The following CPEB1 variants were observed in gnomAD, a reference collection of about 807,000 sequenced individuals.
The protein encoded by CPEB1 is cytoplasmic polyadenylation element binding protein 1.
Under a neutral mutation model 65.8 loss-of-function variants are expected in CPEB1, and 7 were observed. The ratio of observed to expected loss-of-function variants is 0.11; its 90% CI spans 0.06 to 0.20. The LOEUF is 0.20. CPEB1 is among the 10% of genes least tolerant of loss of function. The pLI is 1.00. For missense variants in CPEB1, 551 were observed against 712.2 expected, an observed-to-expected ratio of 0.77 and a Z score of 2.58; for synonymous variants, 262 against 260.0, an observed-to-expected ratio of 1.01 and a Z score of -0.08.
chr15:82,630,626 A>G (rs1229419907), intron 1 of CPEB1, among the ~76,000 whole-genome samples: 1 of 152,014 alleles, frequency 6.6e-6, no homozygotes, highest in Non-Finnish European at 1.5e-5. Context: ...AGAAAGAAAA[A>G]GAACTAAGAC....
At chr15:82,631,261 C>T (rs2046220133) in intron 1 of CPEB1, among the ~76,000 whole-genome samples, 1 of 152,158 alleles carries the variant, frequency 6.6e-6, no homozygotes, top group Non-Finnish European at 1.5e-5. Flanking sequence ...CAAATCAAGG[C>T]AAATGATATC....
chr15:82,603,393 T>C (rs2043286316), intron 3 of CPEB1, among the ~76,000 whole-genome samples: 1 of 151,568 alleles, frequency 6.6e-6, no homozygotes, highest in Admixed American at 6.6e-5. Flanking sequence ...AATTATTAAA[T>C]ATCCCAGGTG....
chr15:82,547,971 G>A (rs1040956630), intron 10 of CPEB1, among the ~76,000 whole-genome samples: 1 of 152,182 alleles, frequency 6.6e-6, no homozygotes, highest in Non-Finnish European at 1.5e-5. Flanking sequence ...ATCATGGTCA[G>A]CCCTTATGTA....
chr15:82,566,439 G>T (rs555588328), intron 4 of CPEB1, among the ~76,000 whole-genome samples: 8 of 152,112 alleles, frequency 5.3e-5, no homozygotes, highest in Admixed American at 3.3e-4. Context: ...GAATAGGAAG[G>T]GGGGAGAGTA....
intron 1 of CPEB1, among the ~76,000 whole-genome samples, chr15:82,639,023 G>A (rs974259360): frequency 6.6e-6 from 1 of 152,138 alleles, no homozygotes; most frequent in African/African-American, 2.4e-5. Context: ...AATCAACCAC[G>A]TCTTAGAATT....
chr15:82,630,724 T>C (rs1285095379), intron 1 of CPEB1, among the ~76,000 whole-genome samples: 2 of 152,080 alleles, frequency 1.3e-5, no homozygotes, highest in African/African-American at 4.8e-5. Flanking sequence ...AGGGACAGAA[T>C]GTGCCTGGAA....
At chr15:82,566,891 C>T (rs1335122565) in intron 4 of CPEB1, among the ~76,000 whole-genome samples, 4 of 151,812 alleles carry the variant, frequency 2.6e-5, no homozygotes, top group Non-Finnish European at 5.9e-5. Context: ...GCTACAGGGC[C>T]CAAGATACTG....
chr15:82,578,977 C>A (rs1442940409), intron 3 of CPEB1, among the ~76,000 whole-genome samples: 1 of 152,086 alleles, frequency 6.6e-6, no homozygotes, highest in African/African-American at 2.4e-5. Context: ...ACATGCACCA[C>A]CACGCCCAGC....
chr15:82,554,080 C>T (rs555728770), intron 6 of CPEB1, 89 bp from the exon 7 acceptor site: 2 of 710,816 alleles, frequency 2.8e-6, no homozygotes, highest in Non-Finnish European at 4.7e-6. Context: ...CCAGTAAGAA[C>T]CTGACTGGCC....
Position 82,556,072 on chromosome 15 carries a change from AC to A in CPEB1, c.737del (p.Gly246ValfsTer7). ...CCATCTTTAAAGGGTCTCTGGGACC[AC>A]CCCCTGACAGAGACAGGAAGGGCAG... ...PPLPFLSLSG[G>X]GPRDPLKMGV... On this transcript the variant is annotated frameshift_variant, in exon 6 of 13. Coordinates refer to ENST00000684509, the MANE Select transcript of CPEB1 (RefSeq NM_001365242.1). LOFTEE classifies it high-confidence loss of function. The A allele has an allele frequency of 1.2e-6, 2 of 1,610,328 alleles. No homozygotes were observed. Among genetic ancestry groups the A allele is most frequent in the African/African-American group, 1.3e-5 (1 of 74,860 alleles).
Position 82,544,668 on chromosome 15 carries a change from T to G in CPEB1, c.1691A>C (p.His564Pro). 6.2e-7 allele frequency: 1 copy of G among 1,613,446 alleles called. No homozygotes were observed. The highest frequency in any genetic ancestry group is 8.5e-7 in the Non-Finnish European group (1 of 1,179,826). Reference protein sequence around the residue: ...CFKYFCRSCWHWRHSMEGLRH... With the variant: ...CFKYFCRSCWPWRHSMEGLRH... ...CAGGCCCTCCATGCTGTGCCGCCAGTGCCAGCAGCTCCGGCAGAAGTATTT... is the reference window on the plus strand; with the variant it reads ...CAGGCCCTCCATGCTGTGCCGCCAGGGCCAGCAGCTCCGGCAGAAGTATTT... The change falls in exon 13 of 13, where the codon CAC becomes CCC. Residue 564 changes from histidine (H) to proline (P), a missense_variant. Around this residue, in one of 6 missense-constraint regions of CPEB1, gnomAD observed 98 missense variants for 157.6 expected, o/e 0.62. Coordinates refer to ENST00000684509, the MANE Select transcript of CPEB1 (RefSeq NM_001365242.1).
chr15:82,571,981 C>T (rs992746466), intron 3 of CPEB1: 6 of 412,246 alleles, frequency 1.5e-5, no homozygotes, highest in Non-Finnish European at 1.6e-5. Context: ...AAGGCAGCGC[C>T]CTCCGGTCTC....
intron 1 of CPEB1, chr15:82,629,385 C>T (rs370765081): frequency 1.0e-6 from 1 of 985,250 alleles, no homozygotes. Flanking sequence ...ATTATTAGTA[C>T]ATACAACTTT....
chr15:82,571,885 A>G, intron 3 of CPEB1: 1 of 1,046,336 alleles, frequency 9.6e-7, no homozygotes, highest in Non-Finnish European at 1.2e-6. Flanking sequence ...GGAGGGGACG[A>G]CAGGGAGGAG....
intron 3 of CPEB1, among the ~76,000 whole-genome samples, chr15:82,605,284 C>T (rs2043463916): frequency 6.6e-6 from 1 of 152,164 alleles, no homozygotes; most frequent in African/African-American, 2.4e-5. Context: ...CTTTAATCCA[C>T]ATGAAGTAAT....
rs558581111 is a variant in CPEB1 at position 82,550,882 on chromosome 15, T to C, written c.1282-1224A>G. ...GAGGAAGGAGAACTGCATCAGCCTA[T>C]AGCCAGTGAATCAAAGAAAGATTAA... is the stretch of plus-strand genomic sequence containing the variant. On this transcript the variant is annotated intron_variant, in intron 9 of 12. Transcript: ENST00000684509. 1.6e-4 allele frequency among the ~76,000 whole-genome samples: 24 copies of C among 150,920 alleles called. No individual in the cohort carries two copies. In the South Asian group the frequency reaches 4.6e-3, roughly 29 times the overall value.
chr15:82,547,067 C>T, intron 11 of CPEB1, 76 bp downstream of exon 11: 1 of 969,590 alleles, frequency 1.0e-6, no homozygotes, highest in Non-Finnish European at 1.6e-6. Flanking sequence ...CTTCAGGTCT[C>T]AGGCCTGCCC....
intron 3 of CPEB1, among the ~76,000 whole-genome samples, chr15:82,594,053 G>C (rs1223161330): frequency 2.6e-5 from 4 of 152,204 alleles, no homozygotes; most frequent in Admixed American, 2.0e-4. Flanking sequence ...TGGTCGGTAA[G>C]CACTGGCCTC....
Position 82,627,306 on chromosome 15 carries a change from G to T in CPEB1, c.158C>A (p.Thr53Lys). Residue 53 changes from threonine (T) to lysine (K), a missense_variant, in exon 3 of 13, where the codon ACG becomes AAG. Transcript: ENST00000684509. ...TCGAAAGATATTGGCATTACTACAC[G>T]TGGAGAGAGCAGGTGCTTCCTGGTT... ...WDNQEAPALS[T>K]CSNANIFRRI... 1.2e-6 allele frequency: 2 copies of T among 1,613,564 alleles called. No homozygotes were observed. The highest frequency in any genetic ancestry group is 8.5e-7 in the Non-Finnish European group (1 of 1,179,654).
Sources: gnomAD v4.1 joint callset for allele counts (sites outside exome capture counted in the v4.1 genomes callset) on GRCh38, gnomAD v4.1.1 for gene constraint, gnomAD v4.1.1 regional missense constraint, MANE v1.5 for transcripts, NCBI Gene and HGNC (gene_info 2026-07-23, HGNC 2026-07-21) for gene names.